The following ZFR2 variants were observed in gnomAD, a reference collection of about 807,000 sequenced individuals.
The protein encoded by ZFR2 is zinc finger RNA-binding protein 2.
ZFR2 carries 104 observed loss-of-function variants against 105.7 expected under a neutral mutation model. The ratio of observed to expected loss-of-function variants is 0.98; its 90% CI spans 0.84 to 1.16. The LOEUF is 1.16. Among genes scored for constraint, ZFR2 ranks in the 50% most tolerant of loss-of-function variants. The pLI is 0.00. For missense variants in ZFR2, 1,425 were observed against 1,355.5 expected (o/e 1.05, Z -0.80); for synonymous variants, 634 against 597.7 (o/e 1.06, Z -0.89).
Position 3,835,577 on chromosome 19 carries a change from G to A in ZFR2, c.54-594C>T, listed in dbSNP as rs576925604. ...CTCAACCTCCTGACCTCATGATCTG[G>A]CCGCCTCGGCCTCCCAAAGTGCTGA... On this transcript the variant is annotated intron_variant, in intron 1 of 18. Transcript: ENST00000262961. Among the ~76,000 whole-genome samples the A allele has an allele frequency of 7.3e-5, 11 of 150,470 alleles. No individual in the cohort carries two copies. The South Asian group carries it at 2.3e-3, about 32-fold the overall frequency.
At chr19:3,837,664 C>T (rs1046786531) in intron 1 of ZFR2, among the ~76,000 whole-genome samples, 10 of 148,520 alleles carry the variant, frequency 6.7e-5, no homozygotes, top group Middle Eastern at 3.5e-3. Context: ...ACACCATGAC[C>T]GTGACACTCG....
At position 3,827,467 on chromosome 19, in the gene ZFR2, G is replaced by T; in HGVS notation, c.1035+4C>A. The stretch of plus-strand genomic sequence containing the variant: ...GGCAGAGCCTGGGCCGGGCGGGGCC[G>T]TACCTTCTGGTGCTTGGATCCCCGG... On this transcript the variant is annotated splice_donor_region_variant and intron_variant, in intron 6 of 18. Transcript: ENST00000262961. 3 of 1,540,158 alleles carry T rather than the reference G, an allele frequency of 1.9e-6. No individual in the cohort carries two copies. Among genetic ancestry groups the T allele is most frequent in the Non-Finnish European group, 2.6e-6 (3 of 1,142,946 alleles).
intron 1 of ZFR2, chr19:3,852,216 C>T (rs2038246209): frequency 1.9e-6 from 1 of 522,470 alleles, no homozygotes; most frequent in East Asian, 3.5e-5. Context: ...GGTGGCAATC[C>T]TGGCAGAGGT....
At chr19:3,849,782 C>A (rs2038217202) in intron 1 of ZFR2, among the ~76,000 whole-genome samples, 1 of 152,226 alleles carries the variant, frequency 6.6e-6, no homozygotes, top group African/African-American at 2.4e-5. Context: ...GTAGACAACC[C>A]TGAACAGCAA....
chr19:3,855,642 G>A (rs1040877004), intron 1 of ZFR2: 3 of 405,856 alleles, frequency 7.4e-6, no homozygotes, highest in Non-Finnish European at 8.5e-6. Context: ...GGAAGGACGC[G>A]GCAAGGGGGT....
chr19:3,859,308 C>A (rs537843823), intron 1 of ZFR2, among the ~76,000 whole-genome samples: 1 of 152,358 alleles, frequency 6.6e-6, no homozygotes, highest in African/African-American at 2.4e-5. Context: ...CCTTTGGCCA[C>A]AGACTGACGG....
rs557031867 is a variant in ZFR2 at position 3,868,160 on chromosome 19, C to T, written c.53+805G>A. Reference sequence around the variant, plus strand: ...GGTCAGCTCCGCTCTAGCTCTCCCCCTGTCCAGCCAGACACCCTCCCAGGT... The same window carrying T: ...GGTCAGCTCCGCTCTAGCTCTCCCCTTGTCCAGCCAGACACCCTCCCAGGT... On this transcript the variant is annotated intron_variant, in intron 1 of 18. Transcript: ENST00000262961. Among the ~76,000 whole-genome samples the T allele has an allele frequency of 2.0e-3, 308 of 150,612 alleles. 2 individuals are homozygous for T. The highest frequency in any genetic ancestry group is 6.8e-3 in the African/African-American group (280 of 40,984).
intron 1 of ZFR2, among the ~76,000 whole-genome samples, chr19:3,859,645 G>A (rs1337510018): frequency 6.6e-6 from 1 of 152,222 alleles, no homozygotes; most frequent in Non-Finnish European, 1.5e-5. Flanking sequence ...AGGGCCTCAG[G>A]GGCCAGAGAG....
In ZFR2 at chr19:3,838,747, A is replaced by T. The variant is rs997407143; in HGVS notation, c.54-3764T>A. On this transcript the variant is annotated intron_variant, in intron 1 of 18. Transcript: ENST00000262961. This position sits in a 1 kb window ranked among gnomAD's most constrained non-coding sequence, Gnocchi z 4.9. ...CTGGAGCCCCTGTGGCCTGATGCTG[A>T]TCAGCCTCTGTCCCCTGGTCCTGCT... 3.9e-5 allele frequency among the ~76,000 whole-genome samples: 6 copies of T among 152,174 alleles called. No individual in the cohort carries two copies. In the East Asian group the frequency reaches 1.2e-3, roughly 29 times the overall value.
Position 3,831,526 on chromosome 19 carries a change from A to G in ZFR2, c.629T>C (p.Val210Ala), listed in dbSNP as rs1489475241. Residue 210 changes from valine to alanine, a missense_variant, in exon 5 of 19, where the codon GTG (valine) becomes GCG (alanine). Physicochemically the swap from Val to Ala is moderately conservative, Grantham distance 64. Transcript: ENST00000262961. Reference sequence around the variant, plus strand: ...ATAGAAAGGGCTGGCAGCGGAGTACACCGACGCGTCATAGTTCGGGTAGCT... The same window carrying G: ...ATAGAAAGGGCTGGCAGCGGAGTACGCCGACGCGTCATAGTTCGGGTAGCT... Reference protein sequence around the residue: ...APSYPNYDASVYSAASPFYPP... With the variant: ...APSYPNYDASAYSAASPFYPP... The G allele has an allele frequency of 6.4e-6, 10 of 1,559,818 alleles. No homozygotes were observed. In the East Asian group the frequency reaches 1.9e-4, roughly 30 times the overall value.
At chr19:3,831,988 G>A (rs1189503668) in intron 3 of ZFR2, 110 bp from the exon 4 acceptor site, 1 of 940,258 alleles carries the variant, frequency 1.1e-6, no homozygotes, top group Non-Finnish European at 1.5e-6. Flanking sequence ...GCTTAAGCCA[G>A]GACCAGAGGC....
Position 3,804,820 on chromosome 19 carries a change from C to T in ZFR2, c.*1129G>A, listed in dbSNP as rs1431193228. 2 of 152,864 alleles carry T rather than the reference C, an allele frequency of 1.3e-5. No individual in the cohort carries two copies. The allele number at this position is 152,864 out of a possible 1,614,324, so 9.5% of individuals were successfully genotyped here. ...GTGGGGCCCCAGAACAGGGCCTGCC[C>T]ACGTGATTTCAAATCCATGCCGCAG... On this transcript the variant is annotated 3_prime_UTR_variant, in exon 19 of 19. Transcript: ENST00000262961.
chr19:3,825,528 A>AC (rs573845354), intron 6 of ZFR2, 121 bp from the exon 7 acceptor site: 40 of 1,282,160 alleles, frequency 3.1e-5, no homozygotes, highest in Admixed American at 2.7e-4. Context: ...GGTCCCAGGG[A>AC]CCCCCCTCTC....
chr19:3,847,199 G>A (rs1438922871), intron 1 of ZFR2, among the ~76,000 whole-genome samples: 1 of 152,192 alleles, frequency 6.6e-6, no homozygotes, highest in Non-Finnish European at 1.5e-5. Flanking sequence ...GGTGAAAGTT[G>A]CCCTTGTTAT....
intron 17 of ZFR2, among the ~76,000 whole-genome samples, chr19:3,807,768 G>A (rs951595627): frequency 7.3e-5 from 11 of 150,450 alleles, no homozygotes; most frequent in Admixed American, 6.6e-4. Flanking sequence ...GTCCATGTGT[G>A]TGCCCATGCG....
At chr19:3,818,910 G>C in intron 12 of ZFR2, 135 bp downstream of exon 12, 1 of 1,118,438 alleles carries the variant, frequency 8.9e-7, no homozygotes, top group South Asian at 1.6e-5. Flanking sequence ...CCTACTCCTG[G>C]GGCTGGAAAG....
intron 15 of ZFR2, 126 bp downstream of exon 15, chr19:3,811,146 G>T: frequency 1.1e-6 from 1 of 939,634 alleles, no homozygotes; most frequent in Non-Finnish European, 1.5e-6. Context: ...GAAGCTGATG[G>T]CAGGCGTCCC....
At chr19:3,857,909 G>T (rs1303522898) in intron 1 of ZFR2, among the ~76,000 whole-genome samples, 1 of 152,046 alleles carries the variant, frequency 6.6e-6, no homozygotes, top group African/African-American at 2.4e-5. Flanking sequence ...AGCACAGGTG[G>T]GAAACGGGGA....
Position 3,805,916 on chromosome 19 carries a change from TGCAAAGGCCC to T in ZFR2, c.*23_*32del. The stretch of plus-strand genomic sequence containing the variant: ...GCGCACACGTCCAGGAGTGCAGGGA[TGCAAAGGCCC>T]GCAGGTGGGGGAGGTAGGCGGCTCA... On this transcript the variant is annotated 3_prime_UTR_variant, in exon 19 of 19. Coordinates refer to ENST00000262961, the MANE Select transcript of ZFR2 (RefSeq NM_015174.2). 6.6e-7 allele frequency: 1 copy of T among 1,504,300 alleles called. No individual in the cohort carries two copies. Among genetic ancestry groups the T allele is most frequent in the Non-Finnish European group, 8.8e-7 (1 of 1,131,288 alleles). The allele number at this position is 1,504,300 out of a possible 1,614,324, so 93.2% of individuals were successfully genotyped here.
Sources: allele counts gnomAD v4.1 joint callset (sites outside exome capture counted in the v4.1 genomes callset), GRCh38; gene constraint gnomAD v4.1.1; non-coding constraint Gnocchi (gnomAD v3.1); transcripts MANE v1.5; gene names NCBI Gene and HGNC (gene_info 2026-07-23, HGNC 2026-07-21).